Variants in FSTL5 observed in about 807,000 individuals in gnomAD.
The protein encoded by FSTL5 is follistatin-related protein 5.
FSTL5 carries 62 observed loss-of-function variants against 89.1 expected under a neutral mutation model. The observed-to-expected ratio is 0.70, with a 90% CI of 0.57 to 0.86. The LOEUF is 0.86. FSTL5 is among the 40% of genes least tolerant of loss of function. FSTL5 has a pLI of 0.00. For missense variants in FSTL5, 1,057 were observed against 1,001.6 expected, an observed-to-expected ratio of 1.06 and a Z score of -0.75; for synonymous variants, 383 against 346.2, an observed-to-expected ratio of 1.11 and a Z score of -1.18.
chr4:162,032,412 T>C lies in FSTL5; in HGVS notation c.160+1213A>G, dbSNP rs150107841. Among the ~76,000 whole-genome samples the C allele has an allele frequency of 3.3e-3, 504 of 152,228 alleles. 2 individuals carry two copies. The highest frequency in any genetic ancestry group is 0.011 in the African/African-American group (470 of 41,554). ...TATGAGTGCTTTGAGTATAAATAAG[T>C]GTAATAATTTCGCATATAAAATAAC... is the stretch of plus-strand genomic sequence containing the variant. On this transcript the variant is annotated intron_variant, in intron 3 of 15. Transcript: ENST00000306100.
intron 3 of FSTL5, among the ~76,000 whole-genome samples, chr4:162,009,096 C>CT (rs1232265950): frequency 8.5e-5 from 13 of 152,132 alleles, no homozygotes; most frequent in African/African-American, 2.6e-4. Flanking sequence ...GTTGTGTTCT[C>CT]TTTTAGCAAA....
chr4:161,981,702 G>C (rs142461086), intron 3 of FSTL5, among the ~76,000 whole-genome samples: 2 of 152,172 alleles, frequency 1.3e-5, no homozygotes, highest in African/African-American at 4.8e-5. Context: ...ACTTTGAAAT[G>C]TAAGTTTGGA....
At chr4:161,840,632 G>A (rs573775802) in intron 4 of FSTL5, among the ~76,000 whole-genome samples, 18 of 152,150 alleles carry the variant, frequency 1.2e-4, no homozygotes, top group South Asian at 4.1e-4. Context: ...TATCTCTTCC[G>A]GGATATTTCT....
intron 7 of FSTL5, among the ~76,000 whole-genome samples, chr4:161,596,447 T>A (rs1734012738): frequency 6.6e-6 from 1 of 151,900 alleles, no homozygotes; most frequent in African/African-American, 2.4e-5. Context: ...ATGAGAACTT[T>A]GTGAACAAAT....
intron 6 of FSTL5, among the ~76,000 whole-genome samples, chr4:161,662,183 A>G (rs1012551001): frequency 6.6e-5 from 10 of 152,204 alleles, no homozygotes; most frequent in Admixed American, 6.5e-4. Flanking sequence ...GCTGTTACCT[A>G]GATGTCTTAA....
At position 161,661,013 on chromosome 4, in the gene FSTL5, T is replaced by G. The variant is rs143971569; in HGVS notation, c.728-4519A>C. Reference sequence around the variant, plus strand: ...GGATAATTAATATTGTAATGGGATTTCTGGGTCAATGGGAGTGTAAATTAG... The same window carrying G: ...GGATAATTAATATTGTAATGGGATTGCTGGGTCAATGGGAGTGTAAATTAG... On this transcript the variant is annotated intron_variant, in intron 6 of 15. Transcript: ENST00000306100. Among the ~76,000 whole-genome samples, 919 of 152,276 alleles carry G rather than the reference T, an allele frequency of 6.0e-3. 9 individuals are homozygous for G. The highest frequency in any genetic ancestry group is 0.046 in the South Asian group (220 of 4,832).
intron 1 of FSTL5, among the ~76,000 whole-genome samples, chr4:162,138,292 C>A (rs867875047): frequency 2.7e-5 from 4 of 147,276 alleles, no homozygotes; most frequent in Admixed American, 1.4e-4. Flanking sequence ...TACAGAACTT[C>A]TATTAGGTAA....
intron 6 of FSTL5, among the ~76,000 whole-genome samples, chr4:161,681,999 C>T (rs1275880989): frequency 1.3e-5 from 2 of 152,098 alleles, no homozygotes; most frequent in Non-Finnish European, 2.9e-5. Flanking sequence ...TAGTCAATTG[C>T]TACTAAGCTA....
intron 3 of FSTL5, among the ~76,000 whole-genome samples, chr4:161,937,880 T>C (rs577590257): frequency 4.6e-5 from 7 of 152,290 alleles, no homozygotes; most frequent in African/African-American, 1.7e-4. Context: ...GTTGCCCTGC[T>C]TATTGAAATA....
chr4:161,528,999 T>A (rs957539068), intron 10 of FSTL5, among the ~76,000 whole-genome samples: 4 of 143,448 alleles, frequency 2.8e-5, no homozygotes, highest in Non-Finnish European at 6.1e-5. Context: ...ATTAGTCACA[T>A]TGGCATTGTG....
intron 13 of FSTL5, among the ~76,000 whole-genome samples, chr4:161,463,755 G>A (rs1405948065): frequency 6.6e-6 from 1 of 152,192 alleles, no homozygotes; most frequent in African/African-American, 2.4e-5. Context: ...TGTCACAAGT[G>A]TTGAAATGGT....
rs1243059991 is a variant in FSTL5, at chr4:162,111,322, T to A, written c.75A>T (p.Glu25Asp). 1 of 1,612,146 alleles carries A rather than the reference T, an allele frequency of 6.2e-7. No homozygotes were observed. Among genetic ancestry groups the A allele is most frequent in the African/African-American group, 1.3e-5 (1 of 74,980 alleles). The stretch of plus-strand genomic sequence containing the variant: ...GATAGGATTTAAGGCCATATCCTCC[T>A]TCTTTGGTTGGCCTTCCTTCCGACT... The part of the protein sequence containing the change: ...FLESEGRPTK[E>D]GGYGLKSYQP... Residue 25 changes from glutamate to aspartate, a missense_variant, in exon 2 of 16, where the codon GAA (glutamate) becomes GAT (aspartate). Transcript: ENST00000306100.
chr4:161,895,424 G>A (rs930027637), intron 4 of FSTL5, among the ~76,000 whole-genome samples: 3 of 152,038 alleles, frequency 2.0e-5, no homozygotes, highest in Non-Finnish European at 2.9e-5. Context: ...GACTTGCCTC[G>A]CTGTTAGTAA....
intron 11 of FSTL5, among the ~76,000 whole-genome samples, chr4:161,505,328 C>T (rs575358416): frequency 3.9e-5 from 6 of 152,198 alleles, no homozygotes; most frequent in Admixed American, 1.3e-4. Flanking sequence ...TACCATTGCA[C>T]CTCAATAAAG....
intron 4 of FSTL5, among the ~76,000 whole-genome samples, chr4:161,916,364 T>C (rs1349823105): frequency 2.0e-5 from 3 of 152,144 alleles, no homozygotes; most frequent in African/African-American, 7.2e-5. Flanking sequence ...TATAGATGTT[T>C]TGTATGAGGG....
intron 13 of FSTL5, among the ~76,000 whole-genome samples, chr4:161,473,622 C>G (rs536966743): frequency 1.7e-4 from 26 of 152,046 alleles, no homozygotes; most frequent in Non-Finnish European, 2.1e-4. Flanking sequence ...TAGAGAGACA[C>G]CATCTCACTA....
intron 3 of FSTL5, among the ~76,000 whole-genome samples, chr4:162,000,348 T>C (rs529466631): frequency 6.6e-6 from 1 of 152,212 alleles, no homozygotes; most frequent in South Asian, 2.1e-4. Context: ...CCCAGCACTT[T>C]GGGAGGCCAA....
At chr4:162,085,702 T>C (rs576091309) in intron 2 of FSTL5, among the ~76,000 whole-genome samples, 99 of 152,222 alleles carry the variant, frequency 6.5e-4, no homozygotes, top group African/African-American at 2.2e-3. Flanking sequence ...TGACAAAGTA[T>C]GGACTGGGAC....
chr4:161,842,250 C>A (rs1731233367), intron 4 of FSTL5, among the ~76,000 whole-genome samples: 1 of 152,076 alleles, frequency 6.6e-6, no homozygotes, highest in African/African-American at 2.4e-5. Context: ...CCCATGCTTG[C>A]TTATATAATT....
Sources: allele counts gnomAD v4.1 joint callset (sites outside exome capture counted in the v4.1 genomes callset), GRCh38; gene constraint gnomAD v4.1.1; transcripts MANE v1.5; gene names NCBI Gene and HGNC (gene_info 2026-07-23, HGNC 2026-07-21).